Variants in FAM171A1 observed in about 807,000 individuals in gnomAD.
The protein encoded by FAM171A1 is family with sequence similarity 171 member A1, also known as protein FAM171A1.
FAM171A1 carries 23 observed loss-of-function variants against 74.9 expected under a neutral mutation model. That is an observed-to-expected ratio of 0.31 (90% confidence interval 0.22 to 0.44). The LOEUF is 0.44. Among genes scored for constraint, FAM171A1 ranks in the 20% least tolerant of loss-of-function variants. The pLI is 1.00. For missense variants in FAM171A1, 1,162 were observed against 1,159.2 expected, an observed-to-expected ratio of 1.00 and a Z score of -0.03; for synonymous variants, 527 against 505.7, an observed-to-expected ratio of 1.04 and a Z score of -0.57.
chr10:15,328,975 G>T (rs1427012046), intron 1 of FAM171A1, among the ~76,000 whole-genome samples: 2 of 152,180 alleles, frequency 1.3e-5, no homozygotes, highest in South Asian at 4.1e-4. Flanking sequence ...AGAACCTGTG[G>T]CTCAGCGGTT....
At position 15,299,155 on chromosome 10, in the gene FAM171A1, G is replaced by A. The variant is rs111558033; in HGVS notation, c.98-15050C>T. ...GCTGGTCTCAAACTCCCGACCTCAGGTGATCCGCCTGCTTCAGCCTTCCAA... is the reference window on the plus strand; with the variant it reads ...GCTGGTCTCAAACTCCCGACCTCAGATGATCCGCCTGCTTCAGCCTTCCAA... On this transcript the variant is annotated intron_variant, in intron 1 of 7. Transcript: ENST00000378116. 2.7e-3 allele frequency among the ~76,000 whole-genome samples: 407 copies of A among 152,284 alleles called. 1 individual carries two copies. Among genetic ancestry groups the A allele is most frequent in the African/African-American group, 8.8e-3 (365 of 41,550 alleles).
At position 15,366,974 on chromosome 10, in the gene FAM171A1, G is replaced by A. The variant is rs191296010; in HGVS notation, c.97+3982C>T. On this transcript the variant is annotated intron_variant, in intron 1 of 7. Transcript: ENST00000378116. Reference sequence around the variant, plus strand: ...AGCACTTTGGGAGGCTGAGGCAGGCGGATCACAAGGTCAGGAGATCGAGAT... The same window carrying A: ...AGCACTTTGGGAGGCTGAGGCAGGCAGATCACAAGGTCAGGAGATCGAGAT... 2.6e-3 allele frequency among the ~76,000 whole-genome samples: 389 copies of A among 152,206 alleles called. 1 individual carries two copies. The highest frequency in any genetic ancestry group is 3.6e-3 in the Admixed American group (55 of 15,284).
In FAM171A1 at chr10:15,212,933, C is replaced by T. The variant is rs1833909801; in HGVS notation, c.2655G>A (p.Met885Ile). ...CGATAGCTCATTTAATGTTAAACGC[C>T]ATCAGGGGCCTCTCCTCCCGTTTCT... ...PWQKREERPL[M>I]AFNIK is the part of the protein sequence containing the mutation. Residue 885 changes from methionine to isoleucine, a missense_variant, in exon 8 of 8, where the codon ATG becomes ATA. By Grantham distance (10) the Met-to-Ile change is conservative (BLOSUM62 1). Coordinates refer to ENST00000378116, the MANE Select transcript of FAM171A1 (RefSeq NM_001010924.2). 4 of 1,613,962 alleles carry T rather than the reference C, an allele frequency of 2.5e-6. No homozygotes were observed. The highest frequency in any genetic ancestry group is 2.5e-6 in the Non-Finnish European group (3 of 1,180,026).
chr10:15,287,329 T>C (rs1270154590), intron 1 of FAM171A1, among the ~76,000 whole-genome samples: 1 of 151,608 alleles, frequency 6.6e-6, no homozygotes, highest in Non-Finnish European at 1.5e-5. Context: ...CCTGACCACG[T>C]GATCTGCCCA....
chr10:15,213,139 A>G lies in FAM171A1; in HGVS notation c.2449T>C (p.Leu817=). 6.2e-7 allele frequency: 1 copy of G among 1,613,748 alleles called. No homozygotes were observed. Among genetic ancestry groups the G allele is most frequent in the Non-Finnish European group, 8.5e-7 (1 of 1,179,932 alleles). Residue 817 remains leucine (L), a synonymous_variant, in exon 8 of 8, where the codon TTG becomes CTG. Transcript: ENST00000378116. The surrounding 1 kb of genome is among the most constrained non-coding windows in gnomAD (Gnocchi z 6.8). Reference sequence around the variant, plus strand: ...CCACTTCTCCGACTCGACCCCTCCAACAAGCATCGCAGGGCACTGTCCTCG... The same window carrying G: ...CCACTTCTCCGACTCGACCCCTCCAGCAAGCATCGCAGGGCACTGTCCTCG... ...TPEDSALRCL[L]EGSSRRSGGQ...
At chr10:15,307,967 C>G (rs1180402040) in intron 1 of FAM171A1, among the ~76,000 whole-genome samples, 1 of 152,010 alleles carries the variant, frequency 6.6e-6, no homozygotes, top group Non-Finnish European at 1.5e-5. Context: ...CCATACTGGG[C>G]TCATTTTTTA....
chr10:15,259,053 C>T (rs1167606889), intron 3 of FAM171A1, among the ~76,000 whole-genome samples: 5 of 152,120 alleles, frequency 3.3e-5, no homozygotes, highest in Admixed American at 1.3e-4. Flanking sequence ...TCATCATCTA[C>T]CTTCTCTTTC....
chr10:15,244,687 G>A (rs548881364), intron 5 of FAM171A1, among the ~76,000 whole-genome samples: 2 of 152,252 alleles, frequency 1.3e-5, no homozygotes, highest in African/African-American at 4.8e-5. Flanking sequence ...TACCCACACA[G>A]ACTTGGTGAA....
chr10:15,289,565 A>G (rs1835078999), intron 1 of FAM171A1, among the ~76,000 whole-genome samples: 1 of 152,106 alleles, frequency 6.6e-6, no homozygotes. Context: ...ACTGCTGCTC[A>G]GCAACTTTAC....
chr10:15,308,001 G>T (rs559486334), intron 1 of FAM171A1, among the ~76,000 whole-genome samples: 2 of 152,064 alleles, frequency 1.3e-5, no homozygotes, highest in South Asian at 4.2e-4. Context: ...TTGTAGAGAT[G>T]AGGTCTAGCT....
At chr10:15,225,632 G>A (rs1024246161) in intron 5 of FAM171A1, among the ~76,000 whole-genome samples, 1 of 152,182 alleles carries the variant, frequency 6.6e-6, no homozygotes, top group Non-Finnish European at 1.5e-5. Context: ...CTTTACTGGT[G>A]GTACCGGATG....
At chr10:15,230,172 A>G (rs567619927) in intron 5 of FAM171A1, among the ~76,000 whole-genome samples, 13 of 152,358 alleles carry the variant, frequency 8.5e-5, no homozygotes, top group African/African-American at 3.1e-4. Context: ...CTTAAACCAC[A>G]TTCTTCAGTA....
At chr10:15,250,182 C>G (rs1258325147) in intron 4 of FAM171A1, among the ~76,000 whole-genome samples, 1 of 152,140 alleles carries the variant, frequency 6.6e-6, no homozygotes, top group Non-Finnish European at 1.5e-5. Context: ...TCATACCCGT[C>G]TGTTTTTTAA....
rs371570805 is a variant in FAM171A1 at position 15,225,806 on chromosome 10, C to T, written c.755-4746G>A. ...TTCCTGCTGCACGAACCAAAGAAAG[C>T]TCCACTGCAAGGCCTCTCAAGTCGG... On this transcript the variant is annotated intron_variant, in intron 5 of 7. Coordinates refer to ENST00000378116, the MANE Select transcript of FAM171A1 (RefSeq NM_001010924.2). Among the ~76,000 whole-genome samples the T allele has an allele frequency of 2.0e-5, 3 of 152,292 alleles. No homozygotes were observed. The South Asian group carries it at 6.2e-4, about 32-fold the overall frequency.
At chr10:15,315,193 G>A (rs765899639) in intron 1 of FAM171A1, among the ~76,000 whole-genome samples, 23 of 152,144 alleles carry the variant, frequency 1.5e-4, no homozygotes, top group Non-Finnish European at 3.1e-4. Flanking sequence ...ATTTCCGCCT[G>A]TCCTTGGATC....
At chr10:15,243,538 A>G (rs1345349193) in intron 5 of FAM171A1, among the ~76,000 whole-genome samples, 1 of 152,190 alleles carries the variant, frequency 6.6e-6, no homozygotes, top group Non-Finnish European at 1.5e-5. Flanking sequence ...GTTACAGTGC[A>G]CACAACCCAT....
At chr10:15,338,596 TAA>T (rs1409702709) in intron 1 of FAM171A1, among the ~76,000 whole-genome samples, 2 of 152,206 alleles carry the variant, frequency 1.3e-5, no homozygotes, top group East Asian at 1.9e-4. Flanking sequence ...CTCATAGTAT[TAA>T]GAGACCCAAA....
At chr10:15,328,100 C>CAA (rs57966314) in intron 1 of FAM171A1, among the ~76,000 whole-genome samples, 18 of 141,502 alleles carry the variant, frequency 1.3e-4, no homozygotes, top group East Asian at 2.0e-4. Flanking sequence ...AAAAACAAAC[C>CAA]AAAAAAAAAA....
intron 1 of FAM171A1, among the ~76,000 whole-genome samples, chr10:15,304,572 GA>G: frequency 6.6e-6 from 1 of 152,178 alleles, no homozygotes; most frequent in Middle Eastern, 3.4e-3. Context: ...ATTCCTTCCT[GA>G]AAAAACCTCA....
Sources: allele counts gnomAD v4.1 joint callset (sites outside exome capture counted in the v4.1 genomes callset), GRCh38; gene constraint gnomAD v4.1.1; non-coding constraint Gnocchi (gnomAD v3.1); transcripts MANE v1.5; gene names NCBI Gene and HGNC (gene_info 2026-07-23, HGNC 2026-07-21).